Variants in MECOM observed in about 807,000 individuals in gnomAD.
MECOM encodes histone-lysine N-methyltransferase MECOM.
Under a neutral mutation model 116.3 loss-of-function variants are expected in MECOM, and 13 were observed. That is an observed-to-expected ratio of 0.11 (90% CI 0.07 to 0.18). MECOM has a LOEUF of 0.18. Among genes scored for constraint, MECOM ranks in the 10% least tolerant of loss-of-function variants. The pLI is 1.00. For synonymous variants in MECOM, 528 were observed against 535.2 expected (o/e 0.99, Z 0.19); for missense variants, 1,299 against 1,509.0 (o/e 0.86, Z 2.31).
At chr3:169,310,923 G>A in intron 2 of MECOM, among the ~76,000 whole-genome samples, 1 of 152,188 alleles carries the variant, frequency 6.6e-6, no homozygotes, top group Admixed American at 6.5e-5. Flanking sequence ...GGTCCTGCAT[G>A]CAGTAGACAC....
At chr3:169,482,629 C>T (rs1177993288) in intron 1 of MECOM, among the ~76,000 whole-genome samples, 1 of 152,138 alleles carries the variant, frequency 6.6e-6, no homozygotes, top group Non-Finnish European at 1.5e-5. Context: ...CCACCGCGCC[C>T]GGCAACCCAC....
chr3:169,607,847 G>C (rs916276427), intron 1 of MECOM, among the ~76,000 whole-genome samples: 12 of 152,164 alleles, frequency 7.9e-5, no homozygotes, highest in African/African-American at 2.9e-4. Flanking sequence ...TTCAAGAATG[G>C]AAGGCTCTGC....
intron 1 of MECOM, among the ~76,000 whole-genome samples, chr3:169,583,833 G>A (rs1019834405): frequency 6.6e-5 from 10 of 151,064 alleles, no homozygotes; most frequent in Non-Finnish European, 1.0e-4. Flanking sequence ...TTGAACTCCC[G>A]GGTTTAAGCA....
chr3:169,625,950 A>G, intron 1 of MECOM, among the ~76,000 whole-genome samples: 1 of 152,246 alleles, frequency 6.6e-6, no homozygotes, highest in East Asian at 1.9e-4. Context: ...TCCAAAAACT[A>G]GCATGTTGAA....
chr3:169,614,510 A>T (rs1470468440), intron 1 of MECOM, among the ~76,000 whole-genome samples: 1 of 152,240 alleles, frequency 6.6e-6, no homozygotes, highest in Non-Finnish European at 1.5e-5. Context: ...TAGTCTTCAT[A>T]TTACAAATGT....
At chr3:169,091,807 A>AATGTTT (rs1719822896) in intron 14 of MECOM, among the ~76,000 whole-genome samples, 1 of 151,762 alleles carries the variant, frequency 6.6e-6, no homozygotes, top group Admixed American at 6.6e-5. Context: ...TTTAGTAAAA[A>AATGTTT]ATGTTTATTT....
At chr3:169,421,532 T>C (rs954966475) in intron 1 of MECOM, among the ~76,000 whole-genome samples, 9 of 152,172 alleles carry the variant, frequency 5.9e-5, no homozygotes, top group African/African-American at 1.9e-4. Context: ...TGTTTGCTCT[T>C]CTGCTTCTTA....
intron 2 of MECOM, among the ~76,000 whole-genome samples, chr3:169,183,465 C>A (rs185136626): frequency 2.0e-5 from 3 of 152,280 alleles, no homozygotes; most frequent in Admixed American, 1.3e-4. Context: ...TCTTACCCAA[C>A]CTGCACTTGA....
At chr3:169,290,865 A>G (rs1714411595) in intron 2 of MECOM, among the ~76,000 whole-genome samples, 1 of 152,126 alleles carries the variant, frequency 6.6e-6, no homozygotes, top group Non-Finnish European at 1.5e-5. Flanking sequence ...CTGTACTTGG[A>G]TATGGTGGTG....
intron 1 of MECOM, among the ~76,000 whole-genome samples, chr3:169,388,096 A>G (rs1016549476): frequency 2.6e-5 from 4 of 151,984 alleles, no homozygotes; most frequent in Non-Finnish European, 4.4e-5. Flanking sequence ...GCCCTGCTCT[A>G]GGAGGAGAAC....
intron 1 of MECOM, among the ~76,000 whole-genome samples, chr3:169,602,331 T>A (rs986457890): frequency 6.6e-6 from 1 of 152,114 alleles, no homozygotes; most frequent in African/African-American, 2.4e-5. Context: ...AAATCTAAAT[T>A]ATGGAAATAA....
chr3:169,145,191 GAGA>G (rs1739481491), intron 2 of MECOM: 1 of 71,114 alleles, frequency 1.4e-5, no homozygotes, highest in African/African-American at 4.1e-4. Flanking sequence ...CACACACACA[GAGA>G]GAAATCAAAC....
intron 1 of MECOM, among the ~76,000 whole-genome samples, chr3:169,657,378 C>T (rs144483275): frequency 4.6e-5 from 7 of 151,902 alleles, no homozygotes; most frequent in Non-Finnish European, 1.0e-4. Flanking sequence ...TATTAAAATG[C>T]CTTGAGATCT....
intron 2 of MECOM, among the ~76,000 whole-genome samples, chr3:169,311,934 T>A (rs1718850982): frequency 6.6e-6 from 1 of 152,150 alleles, no homozygotes; most frequent in East Asian, 1.9e-4. Context: ...GGCCTAGATG[T>A]AGGGACTATT....
chr3:169,133,427 A>C (rs1338337163), intron 3 of MECOM: 1 of 152,368 alleles, frequency 6.6e-6, no homozygotes, highest in Non-Finnish European at 1.5e-5. Flanking sequence ...AATTGTGCTA[A>C]ATTTGAAAAA....
At chr3:169,617,284 T>A (rs1770132001) in intron 1 of MECOM, among the ~76,000 whole-genome samples, 1 of 152,218 alleles carries the variant, frequency 6.6e-6, no homozygotes, top group Non-Finnish European at 1.5e-5. Flanking sequence ...TAAAAGTAAA[T>A]CATTTGCATA....
chr3:169,472,464 G>GAAGGAAAGGAAAGGAAAGGAAAGGA (rs200628251), intron 1 of MECOM, among the ~76,000 whole-genome samples: 10 of 64,128 alleles, frequency 1.6e-4, no homozygotes, highest in Non-Finnish European at 2.7e-4. Flanking sequence ...GGAAGGGAAA[G>GAAGGAAAGGAAAGGAAAGGAAAGGA]AAGGAAAGGA....
At chr3:169,339,173 T>A (rs1724066196) in intron 2 of MECOM, among the ~76,000 whole-genome samples, 2 of 152,208 alleles carry the variant, frequency 1.3e-5, no homozygotes, top group South Asian at 4.1e-4. Flanking sequence ...TGTTTTATTA[T>A]CTGTCTTATA....
At chr3:169,556,863 A>C (rs1195620184) in intron 1 of MECOM, among the ~76,000 whole-genome samples, 1 of 152,158 alleles carries the variant, frequency 6.6e-6, no homozygotes, top group African/African-American at 2.4e-5. Flanking sequence ...ACCCTACGCT[A>C]CAACCACACT....
Sources: gnomAD v4.1 joint callset for allele counts (sites outside exome capture counted in the v4.1 genomes callset) on GRCh38, gnomAD v4.1.1 for gene constraint, MANE v1.5 for transcripts, NCBI Gene and HGNC (gene_info 2026-07-23, HGNC 2026-07-21) for gene names.